SLC71A2: variants seen among roughly 807,000 people sequenced by gnomAD.
The protein encoded by SLC71A2 is hippocampus abundant transcript-like 1.
At chr9:94,408,976 G>A in the SLC71A2 span, among the ~76,000 whole-genome samples, 1 of 151,136 alleles carries the variant, frequency 6.6e-6, no homozygotes, top group Non-Finnish European at 1.5e-5. Context: ...ACAGGCATCC[G>A]CCACCACGCC....
chr9:94,406,144 T>TTGATCATA, the SLC71A2 span, among the ~76,000 whole-genome samples: 66 of 132,626 alleles, frequency 5.0e-4, no homozygotes, highest in Non-Finnish European at 8.3e-4. Context: ...CATAGCTCAC[T>TTGATCATA]GCAAACTTGA....
chr9:94,456,576 A>T, the SLC71A2 span, among the ~76,000 whole-genome samples: 1 of 151,968 alleles, frequency 6.6e-6, no homozygotes, highest in East Asian at 1.9e-4. Context: ...TAGAAATAGA[A>T]CTATTCATTT....
chr9:94,409,116 T>C, the SLC71A2 span, among the ~76,000 whole-genome samples: 4 of 145,310 alleles, frequency 2.8e-5, no homozygotes, highest in Non-Finnish European at 4.5e-5. Flanking sequence ...TACAGGCCAC[T>C]GCGCCCGGCC....
At chr9:94,379,536 C>T in the SLC71A2 span, among the ~76,000 whole-genome samples, 11 of 149,708 alleles carry the variant, frequency 7.3e-5, no homozygotes, top group South Asian at 2.2e-4. Flanking sequence ...ACTATAGGCA[C>T]GTGGCACTAT....
At chr9:94,393,750 CTGTTGCTGCTAT>C in the SLC71A2 span, among the ~76,000 whole-genome samples, 4 of 146,564 alleles carry the variant, frequency 2.7e-5, no homozygotes, top group African/African-American at 1.0e-4. Context: ...CGCATAATAT[CTGTTGCTGCTAT>C]TGTTGCTGCT....
chr9:94,378,255 A>G, the SLC71A2 span, among the ~76,000 whole-genome samples: 1 of 151,882 alleles, frequency 6.6e-6, no homozygotes, highest in Non-Finnish European at 1.5e-5. Flanking sequence ...TAGCACCAGC[A>G]TCTGTTTCTG....
the SLC71A2 span, among the ~76,000 whole-genome samples, chr9:94,453,096 T>C: frequency 6.6e-6 from 1 of 152,022 alleles, no homozygotes; most frequent in African/African-American, 2.4e-5. Flanking sequence ...TATGTTAACC[T>C]TTCAAGTTGA....
At chr9:94,420,237 C>G in the SLC71A2 span, among the ~76,000 whole-genome samples, 2 of 152,194 alleles carry the variant, frequency 1.3e-5, no homozygotes, top group African/African-American at 2.4e-5. Flanking sequence ...TGTTATATCC[C>G]TGGCCTAACC....
chr9:94,399,576 C>T, the SLC71A2 span, among the ~76,000 whole-genome samples: 1 of 152,202 alleles, frequency 6.6e-6, no homozygotes, highest in Non-Finnish European at 1.5e-5. Context: ...TTGTAACCTT[C>T]CACTCCAGCA....
At chr9:94,444,132 T>A in the SLC71A2 span, among the ~76,000 whole-genome samples, 8 of 152,238 alleles carry the variant, frequency 5.3e-5, no homozygotes, top group Admixed American at 5.2e-4. Flanking sequence ...AGCTAACTTA[T>A]AGATATGCAT....
At chr9:94,435,514 AAAAAC>A in the SLC71A2 span, among the ~76,000 whole-genome samples, 1 of 152,260 alleles carries the variant, frequency 6.6e-6, no homozygotes, top group South Asian at 2.1e-4. Flanking sequence ...TCTCCAATCT[AAAAAC>A]AAAACCTCTT....
At chr9:94,440,978 T>C in the SLC71A2 span, 1 of 1,578,340 alleles carries the variant, frequency 6.3e-7, no homozygotes, top group Non-Finnish European at 8.7e-7. Flanking sequence ...AAATAATCTT[T>C]TTATAGGTGG....
chr9:94,459,129 C>A, the SLC71A2 span: 1 of 1,604,802 alleles, frequency 6.2e-7, no homozygotes, highest in Non-Finnish European at 8.5e-7. Flanking sequence ...TAACTGTATT[C>A]TTTGTCTCCA....
the SLC71A2 span, among the ~76,000 whole-genome samples, chr9:94,418,546 G>A: frequency 1.3e-5 from 2 of 151,812 alleles, no homozygotes; most frequent in Non-Finnish European, 2.9e-5. Context: ...GGTTTCAGGC[G>A]ATTCTCAGCC....
At chr9:94,422,609 T>C in the SLC71A2 span, among the ~76,000 whole-genome samples, 1 of 152,132 alleles carries the variant, frequency 6.6e-6, no homozygotes. Flanking sequence ...CAATTTACTC[T>C]TCAGCCAGGC....
the SLC71A2 span, chr9:94,458,498 A>G: frequency 1.2e-6 from 2 of 1,604,030 alleles, no homozygotes; most frequent in Non-Finnish European, 1.7e-6. Context: ...TTGTAACAAC[A>G]ATTATGTATG....
At chr9:94,415,502 C>T in the SLC71A2 span, among the ~76,000 whole-genome samples, 8 of 151,788 alleles carry the variant, frequency 5.3e-5, no homozygotes. Context: ...GTTATACAAA[C>T]GAACTGTATA....
At chr9:94,414,298 G>C in the SLC71A2 span, among the ~76,000 whole-genome samples, 1 of 152,100 alleles carries the variant, frequency 6.6e-6, no homozygotes, top group African/African-American at 2.4e-5. Context: ...GTCAAGGCAG[G>C]GTTAACAGGT....
chr9:94,417,656 C>T, the SLC71A2 span, among the ~76,000 whole-genome samples: 1 of 152,134 alleles, frequency 6.6e-6, no homozygotes, highest in East Asian at 1.9e-4. Flanking sequence ...AAACCCAACT[C>T]TGTGATAGTT....
Sources: allele counts gnomAD v4.1 joint callset (sites outside exome capture counted in the v4.1 genomes callset), GRCh38; gene constraint gnomAD v4.1.1; transcripts MANE v1.5; gene names NCBI Gene and HGNC (gene_info 2026-07-23, HGNC 2026-07-21).